Variants in SLC8A1 observed in about 807,000 individuals in gnomAD.
SLC8A1 encodes sodium/calcium exchanger 1.
In SLC8A1, 18 loss-of-function variants were observed where a neutral mutation model predicts 68.3. The observed-to-expected ratio is 0.26, with a 90% CI of 0.18 to 0.39. The LOEUF (loss-of-function observed/expected upper bound fraction) is 0.39, where lower values mean the gene tolerates loss of function less well. Ranked by LOEUF, SLC8A1 falls within the 10% of genes least tolerant of loss-of-function variation. SLC8A1 has a pLI of 1.00. For missense variants in SLC8A1, 985 were observed against 1,156.7 expected (o/e 0.85, Z 2.15); for synonymous variants, 475 against 415.5 (o/e 1.14, Z -1.74).
At chr2:40,439,499 A>G (rs184789927) in intron 1 of SLC8A1, among the ~76,000 whole-genome samples, 13 of 152,134 alleles carry the variant, frequency 8.5e-5, no homozygotes, top group African/African-American at 2.9e-4. Context: ...TCTTCTTTCT[A>G]GTCTGCCTCT....
At chr2:40,316,104 G>T (rs549219048) in intron 2 of SLC8A1, among the ~76,000 whole-genome samples, 1 of 152,084 alleles carries the variant, frequency 6.6e-6, no homozygotes, top group African/African-American at 2.4e-5. Context: ...GACAACCTCT[G>T]TGGGTACCTC....
chr2:40,506,983 GCTT>G (rs1293813383), intron 1 of SLC8A1, among the ~76,000 whole-genome samples: 6 of 151,816 alleles, frequency 4.0e-5, no homozygotes, highest in African/African-American at 1.2e-4. Flanking sequence ...TAAAATTATT[GCTT>G]TATAACTTTT....
At chr2:40,414,988 G>A (rs1362515703) in intron 2 of SLC8A1, among the ~76,000 whole-genome samples, 1 of 152,174 alleles carries the variant, frequency 6.6e-6, no homozygotes, top group African/African-American at 2.4e-5. Flanking sequence ...ATATCAAAGA[G>A]AATGAAATAC....
chr2:40,115,218 GTATATA>G, exon 8 of SLC8A1: 5 of 1,355,478 alleles, frequency 3.7e-6, no homozygotes, highest in Non-Finnish European at 4.0e-6. Context: ...GTATATATAT[GTATATA>G]TATAAATTTA....
chr2:40,124,692 C>T (rs2037680374), intron 7 of SLC8A1, among the ~76,000 whole-genome samples: 1 of 152,152 alleles, frequency 6.6e-6, no homozygotes, highest in Non-Finnish European at 1.5e-5. Flanking sequence ...TACAAACACA[C>T]AAATTTATAT....
At chr2:40,373,423 T>C (rs982566631) in intron 2 of SLC8A1, among the ~76,000 whole-genome samples, 5 of 152,216 alleles carry the variant, frequency 3.3e-5, no homozygotes, top group East Asian at 1.9e-4. Flanking sequence ...AATGCCGATA[T>C]GAATAATGAC....
At chr2:40,318,798 G>A (rs1374333624) in intron 2 of SLC8A1, among the ~76,000 whole-genome samples, 2 of 152,232 alleles carry the variant, frequency 1.3e-5, no homozygotes, top group East Asian at 1.9e-4. Context: ...TCAGACGAAA[G>A]CCTACCAGCT....
intron 2 of SLC8A1, among the ~76,000 whole-genome samples, chr2:40,205,153 G>A (rs374960660): frequency 2.8e-4 from 42 of 152,140 alleles, no homozygotes; most frequent in Middle Eastern, 3.4e-3. Flanking sequence ...ATAAGTATGT[G>A]AGGTAATGTA....
chr2:40,388,719 C>T lies in SLC8A1; in HGVS notation c.1808+39754G>A, dbSNP rs150526948. ...ATCAAATAACGCAAAGTGAACAATG[C>T]TCTTTTGGTGATGTGCAAAACAAAG... is the stretch of plus-strand genomic sequence containing the variant. On this transcript the variant is annotated intron_variant, in intron 2 of 7. Transcript: ENST00000406785. 4.9e-3 allele frequency among the ~76,000 whole-genome samples: 750 copies of T among 152,216 alleles called. 4 individuals are homozygous for T. The highest frequency in any genetic ancestry group is 8.3e-3 in the Non-Finnish European group (562 of 68,002).
chr2:40,326,200 G>A (rs193191148), intron 2 of SLC8A1, among the ~76,000 whole-genome samples: 13 of 152,218 alleles, frequency 8.5e-5, no homozygotes, highest in South Asian at 4.1e-4. Flanking sequence ...GGACCGCAGC[G>A]TGGAAAAGGC....
chr2:40,287,419 T>C (rs1160524410), intron 2 of SLC8A1, among the ~76,000 whole-genome samples: 2 of 152,062 alleles, frequency 1.3e-5, no homozygotes, highest in Non-Finnish European at 2.9e-5. Context: ...GAAGCTGACA[T>C]TATCCATAAT....
chr2:40,301,677 G>C (rs1479847014), intron 2 of SLC8A1, among the ~76,000 whole-genome samples: 1 of 152,194 alleles, frequency 6.6e-6, no homozygotes, highest in Non-Finnish European at 1.5e-5. Context: ...AGCACATTGG[G>C]AGGCTAAGGC....
In SLC8A1 at chr2:40,486,589, T is replaced by G. The variant is rs569637514; in HGVS notation, c.-25+25760A>C. On this transcript the variant is annotated intron_variant, in intron 1 of 7. Coordinates refer to the SLC8A1 transcript ENST00000402441. The stretch of plus-strand genomic sequence containing the variant: ...TTTGATTTTTAAAATTGTTACATTT[T>G]TTAAAACACACAGATAATATATCAA... Among the ~76,000 whole-genome samples, 11 of 152,296 alleles carry G rather than the reference T, an allele frequency of 7.2e-5. No homozygotes were observed. The South Asian group carries it at 1.9e-3, about 26-fold the overall frequency.
chr2:40,182,417 C>A (rs398898), intron 2 of SLC8A1, among the ~76,000 whole-genome samples: 3 of 151,986 alleles, frequency 2.0e-5, no homozygotes, highest in African/African-American at 7.3e-5. Context: ...ACAAATCTTA[C>A]GATAGCATTG....
intron 7 of SLC8A1, among the ~76,000 whole-genome samples, chr2:40,138,432 G>C (rs1302755112): frequency 2.6e-5 from 4 of 152,180 alleles, no homozygotes; most frequent in African/African-American, 9.7e-5. Flanking sequence ...CTTTTCCCAA[G>C]TCTACTGTAA....
chr2:40,388,326 T>C (rs1309278610), intron 2 of SLC8A1, among the ~76,000 whole-genome samples: 1 of 152,178 alleles, frequency 6.6e-6, no homozygotes, highest in East Asian at 1.9e-4. Context: ...GATATATAGT[T>C]GTTGTTGCAT....
chr2:40,170,344 G>A, intron 4 of SLC8A1: 2 of 1,614,046 alleles, frequency 1.2e-6, no homozygotes, highest in Non-Finnish European at 1.7e-6. Context: ...CTGAAGACAG[G>A]TTGGCCTAGC....
chr2:40,151,263 T>C (rs1263079115), intron 6 of SLC8A1, among the ~76,000 whole-genome samples: 6 of 113,312 alleles, frequency 5.3e-5, no homozygotes, highest in African/African-American at 2.2e-4. Flanking sequence ...GGCGTGTGTA[T>C]GGTGCGTGTG....
chr2:40,510,405 A>G (rs1338253210), intron 1 of SLC8A1, among the ~76,000 whole-genome samples: 1 of 152,208 alleles, frequency 6.6e-6, no homozygotes. Context: ...GACATTTCTC[A>G]TGAGGAGTGC....
Sources: gnomAD v4.1 joint callset for allele counts (sites outside exome capture counted in the v4.1 genomes callset) on GRCh38, gnomAD v4.1.1 for gene constraint, MANE v1.5 for transcripts, NCBI Gene and HGNC (gene_info 2026-07-23, HGNC 2026-07-21) for gene names.